COTL1: variants seen among roughly 807,000 people sequenced by gnomAD.
COTL1 encodes the protein coactosin like F-actin binding protein 1, also known as coactosin-like protein.
COTL1 carries 15 observed loss-of-function variants against 16.5 expected under a neutral mutation model. The observed-to-expected ratio is 0.91, with a 90% CI of 0.61 to 1.40. The LOEUF (loss-of-function observed/expected upper bound fraction) is 1.40, where lower values mean the gene tolerates loss of function less well. COTL1 is among the 40% of genes most tolerant of loss of function. The probability of loss-of-function intolerance (pLI) is 0.00; values close to 1 mark genes in which losing one functional copy is unlikely to be tolerated. For missense variants in COTL1, 220 were observed against 201.5 expected (o/e 1.09, Z -0.56); for synonymous variants, 112 against 85.3 (o/e 1.31, Z -1.73).
intron 2 of COTL1, among the ~76,000 whole-genome samples, chr16:84,607,030 C>G (rs908609080): frequency 8.5e-5 from 13 of 152,180 alleles, no homozygotes; most frequent in African/African-American, 3.1e-4. Flanking sequence ...AGCAACACAC[C>G]CATGGGGGAA....
chr16:84,577,455 G>A (rs1202050483), intron 3 of COTL1, among the ~76,000 whole-genome samples: 1 of 152,174 alleles, frequency 6.6e-6, no homozygotes, highest in African/African-American at 2.4e-5. Context: ...ATGTTGGCCA[G>A]GCTGGTCTTG....
chr16:84,603,027 C>T (rs1256369745), intron 2 of COTL1, among the ~76,000 whole-genome samples: 1 of 152,164 alleles, frequency 6.6e-6, no homozygotes, highest in Non-Finnish European at 1.5e-5. Flanking sequence ...GGCATGAGAG[C>T]CTGGAGACCA....
rs141673421 is a variant in COTL1, at chr16:84,584,196, G to A, written c.318+5909C>T. Among the ~76,000 whole-genome samples, 1,308 of 152,344 alleles carry A rather than the reference G, an allele frequency of 8.6e-3. 19 individuals are homozygous for A. Among genetic ancestry groups the A allele is most frequent in the African/African-American group, 0.029 (1,223 of 41,576 alleles). On this transcript the variant is annotated intron_variant, in intron 3 of 3. Coordinates refer to ENST00000262428, the MANE Select transcript of COTL1 (RefSeq NM_021149.5). ...GGCCAGCCAGCCGTGCGTGCTGTGC[G>A]TTCAGCGCATTCCCCGGACTGGAGT...
chr16:84,571,063 G>A (rs1904327874), intron 3 of COTL1, among the ~76,000 whole-genome samples: 1 of 151,618 alleles, frequency 6.6e-6, no homozygotes, highest in African/African-American at 2.4e-5. Flanking sequence ...CTTTAGAACA[G>A]ACCCCAGATT....
intron 2 of COTL1, among the ~76,000 whole-genome samples, chr16:84,610,962 C>A (rs1210063147): frequency 6.6e-6 from 1 of 152,198 alleles, no homozygotes; most frequent in East Asian, 1.9e-4. Flanking sequence ...ATATGTAACA[C>A]CTTCTGAAGG....
intron 3 of COTL1, among the ~76,000 whole-genome samples, chr16:84,587,006 C>T (rs1396869698): frequency 3.9e-5 from 6 of 152,162 alleles, no homozygotes; most frequent in South Asian, 2.1e-4. Flanking sequence ...TTCCTCCCGG[C>T]GACGTCCAGG....
chr16:84,608,544 A>G (rs1905257568), intron 2 of COTL1, among the ~76,000 whole-genome samples: 1 of 152,238 alleles, frequency 6.6e-6, no homozygotes, highest in African/African-American at 2.4e-5. Flanking sequence ...AAAGAAGGCA[A>G]TGGGAGACTG....
At chr16:84,607,653 T>C (rs1458303840) in intron 2 of COTL1, among the ~76,000 whole-genome samples, 1 of 151,942 alleles carries the variant, frequency 6.6e-6, no homozygotes, top group African/African-American at 2.4e-5. Context: ...GCACCTGTCA[T>C]AAAGGGCACC....
At chr16:84,574,734 C>G (rs1037956680) in intron 3 of COTL1, among the ~76,000 whole-genome samples, 4 of 152,136 alleles carry the variant, frequency 2.6e-5, no homozygotes, top group African/African-American at 9.7e-5. Context: ...CAGACAACCA[C>G]CACCACGCCT....
At position 84,616,531 on chromosome 16, in the gene COTL1, A is replaced by G. The variant is rs114135886; in HGVS notation, c.160+970T>C. ...AATAAATAAATAAATAAATAAATAA[A>G]TAAGTAACCCACACCGTCTGGCTCA... On this transcript the variant is annotated intron_variant, in intron 2 of 3. Coordinates refer to ENST00000262428, the MANE Select transcript of COTL1 (RefSeq NM_021149.5). 849 of 151,918 alleles carry G rather than the reference A, an allele frequency of 5.6e-3. 8 individuals carry two copies. The highest frequency in any genetic ancestry group is 0.019 in the African/African-American group (775 of 41,400). The allele number at this position is 151,918 out of a possible 1,614,324, so 9.4% of individuals were successfully genotyped here. A position where few individuals can be genotyped will look rare whatever the true frequency, so the allele number is the denominator to read the frequency against.
chr16:84,576,719 G>C (rs1247878527), intron 3 of COTL1: 1 of 152,342 alleles, frequency 6.6e-6, no homozygotes, highest in African/African-American at 2.4e-5. Context: ...ATAGACACGG[G>C]ACGAAGTTCC....
In COTL1 at chr16:84,590,739, G is replaced by A. The variant is rs1421640868; in HGVS notation, c.161-477C>T. 6.6e-6 allele frequency among the ~76,000 whole-genome samples: 1 copy of A among 152,132 alleles called. No individual in the cohort carries two copies. Among genetic ancestry groups the A allele is most frequent in the Non-Finnish European group, 1.5e-5 (1 of 68,024 alleles). On this transcript the variant is annotated intron_variant, in intron 2 of 3. Transcript: ENST00000262428. This position sits in a 1 kb window ranked among gnomAD's most constrained non-coding sequence, Gnocchi z 5.5. ...GCTCAAATTATGGATCTTATTTAGGGACCAGAAATTCATCCTCTTTGTAGA... is the reference window on the plus strand; with the variant it reads ...GCTCAAATTATGGATCTTATTTAGGAACCAGAAATTCATCCTCTTTGTAGA...
intron 3 of COTL1, 156 bp from the exon 4 acceptor site, chr16:84,567,111 C>A: frequency 1.6e-6 from 1 of 607,236 alleles, no homozygotes. Context: ...GGAAATTCAG[C>A]AGCAGAGTCA....
intron 2 of COTL1, among the ~76,000 whole-genome samples, chr16:84,608,609 T>C (rs1330396490): frequency 3.3e-5 from 5 of 152,108 alleles, no homozygotes; most frequent in Non-Finnish European, 5.9e-5. Flanking sequence ...GGGTACCACT[T>C]AAAAACAAAA....
chr16:84,583,560 G>A (rs1394947043), intron 3 of COTL1, among the ~76,000 whole-genome samples: 4 of 151,688 alleles, frequency 2.6e-5, no homozygotes, highest in African/African-American at 4.8e-5. Context: ...GGGCTCAAGC[G>A]ATCCTCCCAC....
At chr16:84,600,748 T>A (rs141055275) in intron 2 of COTL1, among the ~76,000 whole-genome samples, 43 of 152,302 alleles carry the variant, frequency 2.8e-4, no homozygotes, top group African/African-American at 8.9e-4. Context: ...CCCGATTCAT[T>A]GCATTTTCAC....
intron 3 of COTL1, among the ~76,000 whole-genome samples, chr16:84,584,610 C>T (rs1197350209): frequency 6.6e-6 from 1 of 152,204 alleles, no homozygotes; most frequent in Non-Finnish European, 1.5e-5. Context: ...ACAAGATTCA[C>T]GCCCTGTGTC....
At chr16:84,580,552 A>T (rs1904565139) in intron 3 of COTL1, among the ~76,000 whole-genome samples, 1 of 152,138 alleles carries the variant, frequency 6.6e-6, no homozygotes, top group African/African-American at 2.4e-5. Flanking sequence ...AACAAAGCAG[A>T]TGCATCGCTT....
chr16:84,614,477 A>G (rs1905419196), intron 2 of COTL1, among the ~76,000 whole-genome samples: 1 of 151,376 alleles, frequency 6.6e-6, no homozygotes, highest in Non-Finnish European at 1.5e-5. Flanking sequence ...GAGAGATCCC[A>G]TTCTGGAAAG....
Sources: allele counts gnomAD v4.1 joint callset (sites outside exome capture counted in the v4.1 genomes callset), GRCh38; gene constraint gnomAD v4.1.1; non-coding constraint Gnocchi (gnomAD v3.1); transcripts MANE v1.5; gene names NCBI Gene and HGNC (gene_info 2026-07-23, HGNC 2026-07-21).